The following MTCL2 variants were observed in gnomAD, a reference collection of about 807,000 sequenced individuals.
MTCL2 encodes the protein microtubule cross-linking factor 2.
At chr20:36,847,853 C>CA in the MTCL2 span, among the ~76,000 whole-genome samples, 4,189 of 83,456 alleles carry the variant, frequency 0.05, 184 homozygotes, top group African/African-American at 0.12. Context: ...CAGTCTGACT[C>CA]AAAAAAAAAA....
chr20:36,828,083 G>A, the MTCL2 span, among the ~76,000 whole-genome samples: 2 of 152,338 alleles, frequency 1.3e-5, no homozygotes, highest in African/African-American at 2.4e-5. Flanking sequence ...GCCCTCGGGG[G>A]AGGAAGGCAG....
At chr20:36,856,188 A>G in the MTCL2 span, among the ~76,000 whole-genome samples, 5 of 152,134 alleles carry the variant, frequency 3.3e-5, no homozygotes, top group African/African-American at 1.2e-4. Context: ...AATTGTACAC[A>G]TATTTATTGA....
the MTCL2 span, among the ~76,000 whole-genome samples, chr20:36,838,714 C>T: frequency 0.98 from 149,343 of 152,308 alleles, 73,272 homozygotes; most frequent in Middle Eastern, 1. Context: ...ATGCCTGTAA[C>T]CCCAGCACTT....
chr20:36,826,956 C>A, the MTCL2 span, among the ~76,000 whole-genome samples: 1 of 152,114 alleles, frequency 6.6e-6, no homozygotes, highest in East Asian at 1.9e-4. Context: ...TCATAGTATT[C>A]TATGGCTACA....
At chr20:36,787,546 T>A in the MTCL2 span, among the ~76,000 whole-genome samples, 1 of 152,098 alleles carries the variant, frequency 6.6e-6, no homozygotes, top group Non-Finnish European at 1.5e-5. Context: ...TATGTACATC[T>A]GGGTAGTTTC....
chr20:36,794,129 G>A, the MTCL2 span: 45 of 1,551,310 alleles, frequency 2.9e-5, no homozygotes, highest in Admixed American at 3.9e-5. This position sits in a 1 kb window ranked among gnomAD's most constrained non-coding sequence, Gnocchi z 5.4. Context: ...GGGGCTGCCC[G>A]CTGAGCCTCC....
the MTCL2 span, chr20:36,786,645 G>A: frequency 1.3e-6 from 2 of 1,547,504 alleles, no homozygotes. Context: ...GTCCTAGGAA[G>A]AGGGAGGCAG....
the MTCL2 span, chr20:36,784,496 G>A: frequency 2.0e-6 from 2 of 985,542 alleles, no homozygotes; most frequent in Non-Finnish European, 2.4e-6. Flanking sequence ...AAAGCTACTG[G>A]CTTTTGGTCT....
chr20:36,801,405 A>G, the MTCL2 span, among the ~76,000 whole-genome samples: 1 of 152,152 alleles, frequency 6.6e-6, no homozygotes, highest in Admixed American at 6.6e-5. Flanking sequence ...ATTGATGATT[A>G]AAAAACAAAC....
At chr20:36,851,028 G>C in the MTCL2 span, among the ~76,000 whole-genome samples, 1 of 152,188 alleles carries the variant, frequency 6.6e-6, no homozygotes, top group African/African-American at 2.4e-5. Flanking sequence ...ACAGAAAACA[G>C]TCCCGGTGGT....
chr20:36,784,770 C>A, the MTCL2 span: 1 of 985,588 alleles, frequency 1.0e-6, no homozygotes, highest in Middle Eastern at 5.2e-4. Context: ...GGGAGAAGAG[C>A]CGTGAAAGGC....
chr20:36,777,542 G>A, the MTCL2 span: 3 of 407,764 alleles, frequency 7.4e-6, no homozygotes, highest in Non-Finnish European at 1.3e-5. Context: ...TAAGACACAG[G>A]GGCAGGGAGA....
chr20:36,841,872 G>GGGGGGTGTGTGGGTGTGT, the MTCL2 span, among the ~76,000 whole-genome samples: 1 of 71,418 alleles, frequency 1.4e-5, no homozygotes, highest in South Asian at 4.2e-4. Context: ...GGTGGGGGGT[G>GGGGGGTGTGTGGGTGTGT]GGGTGTGTGT....
the MTCL2 span, among the ~76,000 whole-genome samples, chr20:36,819,511 A>G: frequency 4.7e-3 from 710 of 152,084 alleles, 3 homozygotes; most frequent in African/African-American, 0.016. Flanking sequence ...GCTCTTGACC[A>G]AATTCCAAAG....
chr20:36,790,329 C>T, the MTCL2 span, among the ~76,000 whole-genome samples: 3 of 150,822 alleles, frequency 2.0e-5, no homozygotes, highest in Non-Finnish European at 2.9e-5. Context: ...GGTTTTGCTA[C>T]GTTGGCCAGG....
At chr20:36,813,270 A>G in the MTCL2 span, among the ~76,000 whole-genome samples, 1 of 123,524 alleles carries the variant, frequency 8.1e-6, no homozygotes, top group Non-Finnish European at 1.6e-5. Flanking sequence ...CTGTGATCAT[A>G]CCATTGCCCT....
the MTCL2 span, among the ~76,000 whole-genome samples, chr20:36,853,386 C>T: frequency 6.6e-6 from 1 of 152,148 alleles, no homozygotes; most frequent in Non-Finnish European, 1.5e-5. Flanking sequence ...AGTGGCACAG[C>T]CAGGATTCAG....
the MTCL2 span, chr20:36,785,294 C>T: frequency 2.0e-6 from 2 of 985,244 alleles, no homozygotes; most frequent in African/African-American, 1.7e-5. Context: ...CTGTTAGAGG[C>T]CTCATGTTGT....
At chr20:36,789,184 G>A in the MTCL2 span, among the ~76,000 whole-genome samples, 1 of 152,158 alleles carries the variant, frequency 6.6e-6, no homozygotes, top group African/African-American at 2.4e-5. Flanking sequence ...ACAATATTTG[G>A]ATCAACTTTA....
Sources: allele counts gnomAD v4.1 joint callset (sites outside exome capture counted in the v4.1 genomes callset), GRCh38; gene constraint gnomAD v4.1.1; non-coding constraint Gnocchi (gnomAD v3.1); transcripts MANE v1.5; gene names NCBI Gene and HGNC (gene_info 2026-07-23, HGNC 2026-07-21).